Variants in SLC8A1 observed in about 807,000 individuals in gnomAD.
SLC8A1 encodes solute carrier family 8 member A1, also known as sodium/calcium exchanger 1.
A neutral mutation model predicts 68.3 loss-of-function variants in SLC8A1; 18 were observed. That is an observed-to-expected ratio of 0.26 (90% CI 0.18 to 0.39). The LOEUF is 0.39. Ranked by LOEUF, SLC8A1 falls within the 10% of genes least tolerant of loss-of-function variation. The pLI, the probability that SLC8A1 is intolerant of heterozygous loss-of-function variation, is 1.00. For synonymous variants in SLC8A1, 475 were observed against 415.5 expected, an observed-to-expected ratio of 1.14 and a Z score of -1.74; for missense variants, 985 against 1,156.7, an observed-to-expected ratio of 0.85 and a Z score of 2.15.
At chr2:40,482,207 T>C (rs1012563096) in intron 1 of SLC8A1, among the ~76,000 whole-genome samples, 3 of 152,148 alleles carry the variant, frequency 2.0e-5, no homozygotes, top group Non-Finnish European at 2.9e-5. Context: ...CCAGATGTCT[T>C]TGGTTTAGTT....
intron 2 of SLC8A1, among the ~76,000 whole-genome samples, chr2:40,196,826 G>T (rs2053140478): frequency 1.3e-5 from 2 of 151,996 alleles, no homozygotes; most frequent in Non-Finnish European, 2.9e-5. Context: ...GGGGATGAAA[G>T]CAAAAGGTAG....
At chr2:40,209,855 A>C (rs1332155687) in intron 2 of SLC8A1, 2 of 152,482 alleles carry the variant, frequency 1.3e-5, no homozygotes, top group Non-Finnish European at 2.9e-5. Context: ...GGGGAGAAGA[A>C]GGCTTGACTG....
chr2:40,402,747 T>TG (rs1689125966), intron 2 of SLC8A1, among the ~76,000 whole-genome samples: 7 of 152,342 alleles, frequency 4.6e-5, no homozygotes, highest in African/African-American at 1.7e-4. Context: ...CCACCCAATC[T>TG]TGTTTTCCAT....
chr2:40,175,419 C>G (rs2048297829), intron 3 of SLC8A1, 138 bp from the exon 4 acceptor site: 3 of 747,396 alleles, frequency 4.0e-6, no homozygotes, highest in Non-Finnish European at 2.3e-6. Flanking sequence ...TGGGTATACC[C>G]CAAAGAAATA....
intron 2 of SLC8A1, among the ~76,000 whole-genome samples, chr2:40,384,778 G>A (rs915361057): frequency 6.6e-6 from 1 of 151,968 alleles, no homozygotes; most frequent in African/African-American, 2.4e-5. Context: ...TCACATTTGG[G>A]CATTTAAAAA....
exon 8 of SLC8A1, chr2:40,101,064 G>T (rs2033862756): frequency 6.6e-6 from 1 of 152,102 alleles, no homozygotes; most frequent in African/African-American, 2.4e-5. Context: ...AAACATACAT[G>T]TGTGTGCACA....
chr2:40,280,415 A>G (rs887863709), intron 2 of SLC8A1, among the ~76,000 whole-genome samples: 1 of 152,232 alleles, frequency 6.6e-6, no homozygotes, highest in African/African-American at 2.4e-5. Flanking sequence ...GTACATGGAA[A>G]TATCTATTCC....
At chr2:40,377,096 A>C (rs1041507836) in intron 2 of SLC8A1, among the ~76,000 whole-genome samples, 1 of 151,950 alleles carries the variant, frequency 6.6e-6, no homozygotes, top group Non-Finnish European at 1.5e-5. Context: ...TATGTAATTA[A>C]GGTCCTTAAT....
intron 2 of SLC8A1, among the ~76,000 whole-genome samples, chr2:40,317,788 A>C (rs2074667608): frequency 6.6e-6 from 1 of 152,130 alleles, no homozygotes; most frequent in Non-Finnish European, 1.5e-5. Context: ...CAATGTTTAA[A>C]ATGTTTAAAG....
chr2:40,389,848 T>C (rs1445305883), intron 2 of SLC8A1, among the ~76,000 whole-genome samples: 2 of 146,908 alleles, frequency 1.4e-5, no homozygotes, highest in East Asian at 3.9e-4. Flanking sequence ...ATATATCATA[T>C]ATATCAAAGA....
intron 2 of SLC8A1, among the ~76,000 whole-genome samples, chr2:40,418,156 C>T (rs1559599834): frequency 1.3e-5 from 2 of 152,224 alleles, no homozygotes; most frequent in Non-Finnish European, 2.9e-5. Context: ...ATAACAACCG[C>T]AAGATAGTTT....
rs1231327442 is a variant in SLC8A1 at position 40,333,363 on chromosome 2, G to A, written c.1808+95110C>T. Among the ~76,000 whole-genome samples the A allele has an allele frequency of 9.2e-5, 14 of 151,438 alleles. No homozygotes were observed. The South Asian group carries it at 2.1e-3, about 23-fold the overall frequency. On this transcript the variant is annotated intron_variant, in intron 2 of 7. Transcript: ENST00000406785. Reference sequence around the variant, plus strand: ...TGAGGCAGGAGAATCCCTTGAACCCGGGAGGTGGAGGTTGCAGTGGGCCGA... The same window carrying A: ...TGAGGCAGGAGAATCCCTTGAACCCAGGAGGTGGAGGTTGCAGTGGGCCGA...
At chr2:40,160,379 G>T (rs1278153704) in intron 6 of SLC8A1, among the ~76,000 whole-genome samples, 2 of 152,174 alleles carry the variant, frequency 1.3e-5, no homozygotes, top group Non-Finnish European at 2.9e-5. Flanking sequence ...GTGTCTTAGT[G>T]TCTTCCCTTT....
intron 2 of SLC8A1, among the ~76,000 whole-genome samples, chr2:40,285,811 C>G (rs2068210958): frequency 6.6e-6 from 1 of 152,176 alleles, no homozygotes. Flanking sequence ...GAAAATCACA[C>G]TGGTCCCTGT....
intron 7 of SLC8A1, among the ~76,000 whole-genome samples, chr2:40,135,307 G>A (rs977571621): frequency 6.6e-6 from 1 of 152,216 alleles, no homozygotes; most frequent in African/African-American, 2.4e-5. Flanking sequence ...GAAGCAGGGA[G>A]ACAGATAGGA....
At chr2:40,175,192 G>T in intron 3 of SLC8A1, 69 bp downstream of exon 4, 4 of 1,461,004 alleles carry the variant, frequency 2.7e-6, no homozygotes, top group Non-Finnish European at 1.9e-6. Context: ...CAGAGCTACT[G>T]TATCACCTGA....
intron 2 of SLC8A1, among the ~76,000 whole-genome samples, chr2:40,382,052 T>A (rs192273109): frequency 2.2e-4 from 34 of 152,234 alleles, no homozygotes; most frequent in African/African-American, 8.2e-4. Context: ...GTGATTGATT[T>A]TCTGTGCAGC....
intron 2 of SLC8A1, among the ~76,000 whole-genome samples, chr2:40,338,062 G>A (rs542926653): frequency 6.6e-6 from 1 of 151,952 alleles, no homozygotes; most frequent in South Asian, 2.1e-4. Flanking sequence ...AAAGTGCTCT[G>A]TCTTAAGTTT....
At chr2:40,219,363 A>C (rs1017761502) in intron 2 of SLC8A1, among the ~76,000 whole-genome samples, 5 of 152,258 alleles carry the variant, frequency 3.3e-5, no homozygotes, top group Non-Finnish European at 5.9e-5. Context: ...CTGTCAGCAC[A>C]TGGCAAAGTT....
Sources: gnomAD v4.1 joint callset for allele counts (sites outside exome capture counted in the v4.1 genomes callset) on GRCh38, gnomAD v4.1.1 for gene constraint, MANE v1.5 for transcripts, NCBI Gene and HGNC (gene_info 2026-07-23, HGNC 2026-07-21) for gene names.